Variants in FBXO42 observed in about 807,000 individuals in gnomAD.
FBXO42 encodes F-box only protein 42.
Under a neutral mutation model 71.7 loss-of-function variants are expected in FBXO42, and 12 were observed. That is an observed-to-expected ratio of 0.17 (90% confidence interval 0.11 to 0.27). The LOEUF (loss-of-function observed/expected upper bound fraction) is 0.27, where lower values mean the gene tolerates loss of function less well. FBXO42 is among the 10% of genes least tolerant of loss of function. The probability of loss-of-function intolerance (pLI) is 1.00; values close to 1 mark genes in which losing one functional copy is unlikely to be tolerated. For missense variants in FBXO42, 707 were observed against 911.9 expected (o/e 0.78, Z 2.89); for synonymous variants, 325 against 327.5 (o/e 0.99, Z 0.08).
At chr1:16,343,795 C>T (rs1321528506) in intron 1 of FBXO42, among the ~76,000 whole-genome samples, 3 of 148,848 alleles carry the variant, frequency 2.0e-5, no homozygotes, top group African/African-American at 7.4e-5. Context: ...TGTACTTCAG[C>T]CTGGGTGACA....
rs193298440 is a variant in FBXO42 at position 16,280,678 on chromosome 1, G to A, written c.502+14105C>T. On this transcript the variant is annotated intron_variant, in intron 4 of 9. Coordinates refer to ENST00000375592, the MANE Select transcript of FBXO42 (RefSeq NM_018994.3). ...GAAGTCCCAGCTTCTTGGGGGCTGA[G>A]GAAAGAGGATCACCTGAACCCCGGA... Among the ~76,000 whole-genome samples, 150 of 152,180 alleles carry A rather than the reference G, an allele frequency of 9.9e-4. 1 individual carries two copies. The highest frequency in any genetic ancestry group is 3.3e-3 in the African/African-American group (138 of 41,522).
chr1:16,315,319 G>A lies in FBXO42; in HGVS notation c.100C>T (p.Pro34Ser), dbSNP rs1297483902. The change falls in exon 2 of 10, where the codon CCA (proline) becomes TCA (serine). Residue 34 changes from proline (P) to serine (S), a missense_variant. This residue lies in a region of FBXO42 where 188 missense variants were observed against 230.5 expected (regional missense o/e 0.82). Coordinates refer to ENST00000375592, the MANE Select transcript of FBXO42 (RefSeq NM_018994.3). ...GTMDQDEEPH[P>S]VLEAEETRHN... ...CTAGTCTCCTCAGCCTCCAATACTG[G>A]GTGGGGCTCCTCATCTTGATCCATT... 1 of 1,614,050 alleles carries A rather than the reference G, an allele frequency of 6.2e-7. No homozygotes were observed.
chr1:16,257,969 C>T (rs537159713), intron 4 of FBXO42, among the ~76,000 whole-genome samples: 2 of 152,186 alleles, frequency 1.3e-5, no homozygotes, highest in Non-Finnish European at 2.9e-5. Context: ...GCGTGAGCCA[C>T]CATGCCTCGC....
intron 1 of FBXO42, among the ~76,000 whole-genome samples, chr1:16,344,742 G>GA (rs1178875801): frequency 6.6e-5 from 10 of 152,002 alleles, no homozygotes; most frequent in Admixed American, 3.3e-4. Context: ...AAAATCAAAA[G>GA]AAAAAATCCC....
In FBXO42 at chr1:16,246,889, G is replaced by A. The variant is rs1008537436; in HGVS notation, c.*3781C>T. ...GTTAAATTGCTAAAAAGTCATCAGG[G>A]GAAAACATTAACAAAAAATGAAATT... On this transcript the variant is annotated 3_prime_UTR_variant, in exon 10 of 10. Coordinates refer to ENST00000375592, the MANE Select transcript of FBXO42 (RefSeq NM_018994.3). 2.0e-5 allele frequency: 3 copies of A among 152,058 alleles called. No individual in the cohort carries two copies. Among genetic ancestry groups the A allele is most frequent in the Non-Finnish European group, 2.9e-5 (2 of 68,012 alleles). 9.4% of individuals were successfully genotyped at this position (152,058 alleles called of 1,614,324 possible).
chr1:16,310,360 G>T (rs1281813152), intron 2 of FBXO42, among the ~76,000 whole-genome samples: 1 of 143,610 alleles, frequency 7.0e-6, no homozygotes, highest in African/African-American at 2.5e-5. Flanking sequence ...GGTTCCATCT[G>T]AAAAAAAAAA....
intron 1 of FBXO42, among the ~76,000 whole-genome samples, chr1:16,335,063 C>CAAAAAAAAAAAAAAAAAAA (rs55983316): frequency 1.4e-5 from 1 of 68,990 alleles, no homozygotes; most frequent in Non-Finnish European, 2.5e-5. Flanking sequence ...CTCGTCTGTA[C>CAAAAAAAAAAAAAAAAAAA]AAAAAAAAAA....
At chr1:16,268,893 G>A (rs976214190) in intron 4 of FBXO42, among the ~76,000 whole-genome samples, 12 of 150,914 alleles carry the variant, frequency 8.0e-5, no homozygotes, top group Admixed American at 3.9e-4. Flanking sequence ...GCTGAGACAG[G>A]AGAATTACTT....
intron 4 of FBXO42, among the ~76,000 whole-genome samples, chr1:16,281,088 G>C (rs188415804): frequency 6.6e-6 from 1 of 152,060 alleles, no homozygotes; most frequent in South Asian, 2.1e-4. Flanking sequence ...TCAGCCTCCC[G>C]AGTAGCTGGG....
chr1:16,265,340 C>T (rs146702060), intron 4 of FBXO42, among the ~76,000 whole-genome samples: 61 of 152,300 alleles, frequency 4.0e-4, no homozygotes, highest in African/African-American at 1.5e-3. Flanking sequence ...GTCCTCCCGT[C>T]TTGGCCCCCC....
In FBXO42 at chr1:16,248,989, A is replaced by T. The variant is rs1156561993; in HGVS notation, c.*1681T>A. 1 of 152,286 alleles carries T rather than the reference A, an allele frequency of 6.6e-6. No homozygotes were observed. Among genetic ancestry groups the T allele is most frequent in the East Asian group, 1.9e-4 (1 of 5,200 alleles). The allele number at this position is 152,286 out of a possible 1,614,324, so 9.4% of individuals were successfully genotyped here. Reference sequence around the variant, plus strand: ...CTTATCAGTACACTTAGGCTGCCAGATGCTGGCTGAAAGCCAGGACCCAGG... The same window carrying T: ...CTTATCAGTACACTTAGGCTGCCAGTTGCTGGCTGAAAGCCAGGACCCAGG... On this transcript the variant is annotated 3_prime_UTR_variant, in exon 10 of 10. Coordinates refer to ENST00000375592, the MANE Select transcript of FBXO42 (RefSeq NM_018994.3).
chr1:16,325,877 C>T (rs750793659), intron 1 of FBXO42, among the ~76,000 whole-genome samples: 4 of 152,150 alleles, frequency 2.6e-5, no homozygotes, highest in African/African-American at 7.2e-5. Flanking sequence ...CTGCCCACCT[C>T]GGTCTCCTAG....
At chr1:16,294,596 T>C (rs2100530708) in intron 4 of FBXO42, 187 bp downstream of exon 4, 1 of 606,464 alleles carries the variant, frequency 1.6e-6, no homozygotes, top group South Asian at 2.4e-5. Flanking sequence ...AATGATAAAG[T>C]ATAATTTAAC....
At chr1:16,334,418 CAAAAAAA>C (rs757658037) in intron 1 of FBXO42, among the ~76,000 whole-genome samples, 29 of 52,790 alleles carry the variant, frequency 5.5e-4, no homozygotes, top group African/African-American at 1.8e-3. Flanking sequence ...GACTCCGCCT[CAAAAAAA>C]AAAAAAAAAA....
intron 1 of FBXO42, among the ~76,000 whole-genome samples, chr1:16,315,841 A>C (rs1569912203): frequency 6.6e-6 from 1 of 152,280 alleles, no homozygotes; most frequent in East Asian, 1.9e-4. Context: ...GGGTCTTGCA[A>C]AAAGTAATAA....
intron 4 of FBXO42, chr1:16,293,944 T>C (rs1375639258): frequency 6.6e-6 from 1 of 152,186 alleles, no homozygotes; most frequent in Non-Finnish European, 1.5e-5. Flanking sequence ...TAATATACAA[T>C]GATGCCTCCT....
intron 4 of FBXO42, among the ~76,000 whole-genome samples, chr1:16,282,368 G>A (rs1350268522): frequency 1.3e-5 from 2 of 151,658 alleles, no homozygotes; most frequent in African/African-American, 4.8e-5. Context: ...TGGGATTACA[G>A]GCGCCCACCA....
rs551809461 is a variant in FBXO42, at chr1:16,329,884, G to C, written c.-17-14449C>G. Reference sequence around the variant, plus strand: ...GAATTACTTGAACCAAGGAGGCAGAGGTTGGAGTGAGCCAAGATCTTGCCA... The same window carrying C: ...GAATTACTTGAACCAAGGAGGCAGACGTTGGAGTGAGCCAAGATCTTGCCA... On this transcript the variant is annotated intron_variant, in intron 1 of 9. Coordinates refer to ENST00000375592, the MANE Select transcript of FBXO42 (RefSeq NM_018994.3). Among the ~76,000 whole-genome samples, 3 of 152,152 alleles carry C rather than the reference G, an allele frequency of 2.0e-5. No individual in the cohort carries two copies. In the South Asian group the frequency reaches 6.2e-4, roughly 32 times the overall value.
chr1:16,308,915 G>T, intron 2 of FBXO42, among the ~76,000 whole-genome samples: 1 of 148,834 alleles, frequency 6.7e-6, no homozygotes, highest in Non-Finnish European at 1.5e-5. Flanking sequence ...AGCTAATTTT[G>T]CATTTTTAGT....
Sources: gnomAD v4.1 joint callset for allele counts (sites outside exome capture counted in the v4.1 genomes callset) on GRCh38, gnomAD v4.1.1 for gene constraint, gnomAD v4.1.1 regional missense constraint, MANE v1.5 for transcripts, NCBI Gene and HGNC (gene_info 2026-07-23, HGNC 2026-07-21) for gene names.